Variants in KIAA1755 observed in about 807,000 individuals in gnomAD.
The protein encoded by KIAA1755 is KIAA1755, also known as uncharacterized protein KIAA1755.
In KIAA1755, 68 loss-of-function variants were observed where a neutral mutation model predicts 91.7. The observed-to-expected ratio is 0.74, with a 90% confidence interval of 0.61 to 0.91. The LOEUF is 0.91. Ranked by LOEUF, KIAA1755 falls within the 40% of genes least tolerant of loss-of-function variation. The probability of loss-of-function intolerance (pLI) is 0.00; values close to 1 mark genes in which losing one functional copy is unlikely to be tolerated. For missense variants in KIAA1755, 1,535 were observed against 1,494.4 expected (o/e 1.03, Z -0.45); for synonymous variants, 610 against 604.6 (o/e 1.01, Z -0.13).
At chr20:38,222,182 G>A (rs1403285714) in intron 10 of KIAA1755, among the ~76,000 whole-genome samples, 3 of 152,246 alleles carry the variant, frequency 2.0e-5, no homozygotes, top group African/African-American at 7.2e-5. Context: ...GACCAGAAAT[G>A]GGTAGGCGAC....
intron 1 of KIAA1755, among the ~76,000 whole-genome samples, chr20:38,252,623 C>T (rs1253088611): frequency 6.6e-6 from 1 of 152,162 alleles, no homozygotes; most frequent in Non-Finnish European, 1.5e-5. Context: ...CTGACGATCC[C>T]AGCTGCCTGT....
intron 4 of KIAA1755, among the ~76,000 whole-genome samples, chr20:38,238,290 T>G (rs1205428): frequency 0.29 from 44,821 of 151,956 alleles, 6,742 homozygotes; most frequent in Middle Eastern, 0.46. Flanking sequence ...ACCAGGAAAA[T>G]GACAGATAAG....
In KIAA1755 at chr20:38,239,619, G is replaced by A. The variant is rs771307956; in HGVS notation, c.1656C>T (p.Gly552=). The A allele has an allele frequency of 4.4e-6, 7 of 1,605,728 alleles. 1 individual carries two copies. In the South Asian group the frequency reaches 6.7e-5, roughly 15 times the overall value. ...CTGGGGGCTCCTCCTCCAGGGTGGG[G>A]CCTCTTTCTGGGGAGCCTGCAGAAG... ...PEASAGSPER[G]PTLEEEPPGP... is the part of the protein sequence containing the mutation. The change falls in exon 4 of 14, where the codon GGC becomes GGT. Residue 552 remains glycine, a synonymous_variant. Transcript: ENST00000279024.
At position 38,222,608 on chromosome 20, in the gene KIAA1755, AG is replaced by A. The variant is rs1288785605; in HGVS notation, c.2269-12del. 1.9e-6 allele frequency: 3 copies of A among 1,610,858 alleles called. No individual in the cohort carries two copies. In the Admixed American group the frequency reaches 5.0e-5, roughly 27 times the overall value. On this transcript the variant is annotated splice_polypyrimidine_tract_variant and intron_variant, in intron 9 of 13. Transcript: ENST00000279024. ...GCACCTGGTAGCCTCCTGCCAGCGT[AG>A]GGAGGTGCCCTGAGGCCCCATCCCC...
rs6024139 is a variant in KIAA1755 at position 38,232,842 on chromosome 20, G to A, written c.1748-1517C>T. Among the ~76,000 whole-genome samples the A allele has an allele frequency of 6.0e-3, 912 of 152,224 alleles. 13 individuals are homozygous for A. Among genetic ancestry groups the A allele is most frequent in the African/African-American group, 0.021 (854 of 41,528 alleles). On this transcript the variant is annotated intron_variant, in intron 4 of 13. Coordinates refer to ENST00000279024, the MANE Select transcript of KIAA1755 (RefSeq NM_001029864.2). ...CTTTTTCATTTTGTTAGGGGGCCGG[G>A]TGCAGTGGCTCATGCCTGTAATCCC... is the stretch of plus-strand genomic sequence containing the variant.
intron 13 of KIAA1755, 99 bp downstream of exon 13, chr20:38,217,154 G>T: frequency 9.6e-7 from 1 of 1,040,906 alleles, no homozygotes. Flanking sequence ...CGGTGTCTAT[G>T]CAGTCAGGCC....
intron 2 of KIAA1755, among the ~76,000 whole-genome samples, chr20:38,244,960 T>C (rs2076130147): frequency 6.6e-6 from 1 of 152,134 alleles, no homozygotes; most frequent in Admixed American, 6.5e-5. Context: ...ACCCCTGACG[T>C]CATGATCCAC....
At chr20:38,229,197 G>C (rs1324029471) in intron 5 of KIAA1755, among the ~76,000 whole-genome samples, 1 of 152,340 alleles carries the variant, frequency 6.6e-6, no homozygotes, top group African/African-American at 2.4e-5. Context: ...TAGAGCTGTG[G>C]CACTGCCATT....
chr20:38,231,392 G>T lies in KIAA1755; in HGVS notation c.1748-67C>A, dbSNP rs142023272. On this transcript the variant is annotated intron_variant, in intron 4 of 13. Transcript: ENST00000279024. ...GGGGCCCTCTAGGGACCTCTCCTGT[G>T]GCCTGCAGACCTTTGGCCGTAACGG... The T allele has an allele frequency of 7.2e-5, 107 of 1,491,580 alleles. No individual in the cohort carries two copies. In the African/African-American group the frequency reaches 1.3e-3, roughly 19 times the overall value. The allele number at this position is 1,491,580 out of a possible 1,614,324, so 92.4% of individuals were successfully genotyped here. A position where few individuals can be genotyped will look rare whatever the true frequency, so the allele number is the denominator to read the frequency against.
chr20:38,247,520 G>A (rs1029457117), intron 1 of KIAA1755, among the ~76,000 whole-genome samples: 5 of 152,174 alleles, frequency 3.3e-5, no homozygotes, highest in African/African-American at 1.2e-4. Flanking sequence ...GGGAGATCAG[G>A]TGTCCCCTTT....
chr20:38,258,486 C>T (rs2076377810), intron 1 of KIAA1755, among the ~76,000 whole-genome samples: 1 of 152,168 alleles, frequency 6.6e-6, no homozygotes. Flanking sequence ...AAACACTAGA[C>T]AGCTGTTAAT....
Position 38,223,525 on chromosome 20 carries a change from G to A in KIAA1755, c.2268+13C>T. 2.6e-6 allele frequency: 4 copies of A among 1,561,806 alleles called. No homozygotes were observed. The highest frequency in any genetic ancestry group is 1.4e-5 in the African/African-American group (1 of 71,456). On this transcript the variant is annotated intron_variant, in intron 9 of 13. Coordinates refer to ENST00000279024, the MANE Select transcript of KIAA1755 (RefSeq NM_001029864.2). ...GTGATGTAGCTTCCCCAGTCACCAT[G>A]CTCCAGGCTCACCTGCATCCCCCCA...
chr20:38,219,745 G>T lies in KIAA1755; in HGVS notation c.2441C>A (p.Ala814Asp). 3 of 1,614,180 alleles carry T rather than the reference G, an allele frequency of 1.9e-6. No individual in the cohort carries two copies. Among genetic ancestry groups the T allele is most frequent in the Non-Finnish European group, 2.5e-6 (3 of 1,180,034 alleles). Residue 814 changes from alanine (A) to aspartate (D), a missense_variant, in exon 11 of 14, where the codon GCC becomes GAC. Transcript: ENST00000279024. ...DVRSHLAAAT[A>D]LYSLVDEQLH... The stretch of plus-strand genomic sequence containing the variant: ...CTGCTCGTCCACAAGGCTGTACAAG[G>T]CAGTGGCTGCAGCCAGATGGCTCCT...
At chr20:38,216,890 G>A (rs1030927786) in intron 13 of KIAA1755, 11 of 510,040 alleles carry the variant, frequency 2.2e-5, no homozygotes, top group Non-Finnish European at 3.4e-5. Context: ...GAAGGGATCT[G>A]TCGTCATTTC....
chr20:38,213,488 T>A lies in KIAA1755; in HGVS notation c.3157A>T (p.Thr1053Ser), dbSNP rs1287244701. The A allele has an allele frequency of 6.2e-7, 1 of 1,607,774 alleles. No homozygotes were observed. Among genetic ancestry groups the A allele is most frequent in the African/African-American group, 1.3e-5 (1 of 74,992 alleles). The change falls in exon 14 of 14, where the codon ACC becomes TCC. Residue 1053 changes from threonine (T) to serine (S), a missense_variant. By Grantham distance (58) the Thr-to-Ser change is moderately conservative. Coordinates refer to ENST00000279024, the MANE Select transcript of KIAA1755 (RefSeq NM_001029864.2). ...GGAGCCTCTGGGCAAGAGCTGTGGGTCAGTGCCTTCTCCAGGAGCATCCGG... is the reference window on the plus strand; with the variant it reads ...GGAGCCTCTGGGCAAGAGCTGTGGGACAGTGCCTTCTCCAGGAGCATCCGG... ...EIRMLLEKAL[T>S]HSSCPEAPAA... is the part of the protein sequence containing the mutation.
intron 10 of KIAA1755, 26 bp downstream of exon 10, chr20:38,222,423 A>G: frequency 6.2e-7 from 1 of 1,604,984 alleles, no homozygotes; most frequent in Non-Finnish European, 8.5e-7. Context: ...GATGGGGTGG[A>G]AGAGGAAAGG....
Position 38,241,712 on chromosome 20 carries a change from G to T in KIAA1755, c.419C>A (p.Ala140Asp). 6.2e-7 allele frequency: 1 copy of T among 1,614,240 alleles called. No homozygotes were observed. The change falls in exon 3 of 14, where the codon GCC becomes GAC. Residue 140 changes from alanine (A) to aspartate (D), a missense_variant. Physicochemically the swap from Ala to Asp is moderately radical, Grantham distance 126. Transcript: ENST00000279024. Reference sequence around the variant, plus strand: ...TTCTTGGGTGAAAAGTATAGGGTAGGCTGGCTCTGGAACAGGCTTCTTGTC... The same window carrying T: ...TTCTTGGGTGAAAAGTATAGGGTAGTCTGGCTCTGGAACAGGCTTCTTGTC... ...TVDKKPVPEP[A>D]YPILFTQEWL...
intron 3 of KIAA1755, 34 bp downstream of exon 3, chr20:38,240,548 C>T (rs769455289): frequency 6.9e-7 from 1 of 1,448,400 alleles, no homozygotes; most frequent in Non-Finnish European, 9.1e-7. Context: ...CAGACAATAA[C>T]CTCCTTGTAC....
rs764818922 is a variant in KIAA1755, at chr20:38,239,736, GCAA to G, written c.1550-14_1550-12del. On this transcript the variant is annotated splice_polypyrimidine_tract_variant and intron_variant, in intron 3 of 13. Coordinates refer to ENST00000279024, the MANE Select transcript of KIAA1755 (RefSeq NM_001029864.2). ...TCTGAGTTGTTCCAGCTGGGAAAAA[GCAA>G]CAACAAAGAAAAGGACGTTAAGCAG... 3 of 1,609,754 alleles carry G rather than the reference GCAA, an allele frequency of 1.9e-6. No homozygotes were observed. The highest frequency in any genetic ancestry group is 1.7e-5 in the Admixed American group (1 of 60,002).
Sources: gnomAD v4.1 joint callset for allele counts (sites outside exome capture counted in the v4.1 genomes callset) on GRCh38, gnomAD v4.1.1 for gene constraint, MANE v1.5 for transcripts, NCBI Gene and HGNC (gene_info 2026-07-23, HGNC 2026-07-21) for gene names.